The following MOB3B variants were observed in gnomAD, a reference collection of about 807,000 sequenced individuals.
MOB3B encodes MOB kinase activator 3B, also known as MOB kinase activator-like 2B.
Under a neutral mutation model 18.7 loss-of-function variants are expected in MOB3B, and 7 were observed. The observed-to-expected ratio is 0.37, with a 90% CI of 0.21 to 0.70. MOB3B has a LOEUF of 0.70. Ranked by LOEUF, MOB3B falls within the 30% of genes least tolerant of loss-of-function variation. MOB3B has a pLI of 0.52. For missense variants in MOB3B, 253 were observed against 281.3 expected, an observed-to-expected ratio of 0.90 and a Z score of 0.72; for synonymous variants, 111 against 99.9, an observed-to-expected ratio of 1.11 and a Z score of -0.66.
chr9:27,505,812 A>ATTC (rs1274434430), intron 1 of MOB3B, among the ~76,000 whole-genome samples: 8 of 152,214 alleles, frequency 5.3e-5, no homozygotes, highest in African/African-American at 1.9e-4. Context: ...GAAGTGACAC[A>ATTC]TTCTTCAGGT....
At chr9:27,355,582 C>T (rs1397035477) in intron 3 of MOB3B, among the ~76,000 whole-genome samples, 9 of 137,656 alleles carry the variant, frequency 6.5e-5, no homozygotes, top group East Asian at 2.1e-4. Flanking sequence ...TTTTTTGAGA[C>T]GGAGTCTCGC....
intron 1 of MOB3B, chr9:27,524,368 GT>G: frequency 6.2e-7 from 1 of 1,613,568 alleles, no homozygotes; most frequent in Non-Finnish European, 8.5e-7. Context: ...ATTCAAAAGT[GT>G]TTGTGGCTTG....
At chr9:27,526,049 C>T (rs700782) in intron 1 of MOB3B, 37,121 of 151,924 alleles carry the variant, frequency 0.24, 4,683 homozygotes, top group Admixed American at 0.3. Flanking sequence ...ATTGTGGCTA[C>T]GCAAATGCAC....
At position 27,359,101 on chromosome 9, in the gene MOB3B, C is replaced by A; in HGVS notation, c.554G>T (p.Cys185Phe). ...VMGAEAHVNT[C>F]YKHFYYFVTE... Reference sequence around the variant, plus strand: ...GACAAAGTAATAGAAGTGTTTGTAGCAGGTGTTGACATGGGCCTCTGCACC... The same window carrying A: ...GACAAAGTAATAGAAGTGTTTGTAGAAGGTGTTGACATGGGCCTCTGCACC... Residue 185 changes from cysteine (C) to phenylalanine (F), a missense_variant, in exon 3 of 4, where the codon TGC becomes TTC. Coordinates refer to ENST00000262244, the MANE Select transcript of MOB3B (RefSeq NM_024761.5). The A allele has an allele frequency of 6.2e-7, 1 of 1,614,114 alleles. No homozygotes were observed. Among genetic ancestry groups the A allele is most frequent in the Non-Finnish European group, 8.5e-7 (1 of 1,180,014 alleles).
At chr9:27,358,753 C>T in intron 3 of MOB3B, 1 of 621,196 alleles carries the variant, frequency 1.6e-6, no homozygotes, top group African/African-American at 1.8e-5. Flanking sequence ...GGAAGAATGA[C>T]TTTGGAATTG....
chr9:27,501,618 G>A (rs1403499267), intron 1 of MOB3B, among the ~76,000 whole-genome samples: 1 of 146,264 alleles, frequency 6.8e-6, no homozygotes, highest in East Asian at 2.2e-4. Context: ...GGGGTGGGGG[G>A]AAGGATAGCA....
At chr9:27,421,096 AT>A (rs141564631) in intron 2 of MOB3B, 149 of 146,278 alleles carry the variant, frequency 1.0e-3, no homozygotes, top group East Asian at 1.8e-3. Context: ...TCTCACCTCC[AT>A]TTTTTTTTTT....
chr9:27,498,280 T>C (rs1407827882), intron 1 of MOB3B, among the ~76,000 whole-genome samples: 1 of 152,202 alleles, frequency 6.6e-6, no homozygotes, highest in East Asian at 1.9e-4. Context: ...ACTTTTCATA[T>C]CAATCACAGC....
At chr9:27,354,509 A>C (rs1821156034) in intron 3 of MOB3B, among the ~76,000 whole-genome samples, 1 of 152,214 alleles carries the variant, frequency 6.6e-6, no homozygotes, top group African/African-American at 2.4e-5. Flanking sequence ...TTTTGCTTTT[A>C]ATGTCTATTG....
intron 2 of MOB3B, among the ~76,000 whole-genome samples, chr9:27,436,077 G>A (rs1307194298): frequency 6.6e-6 from 1 of 152,102 alleles, no homozygotes; most frequent in African/African-American, 2.4e-5. Flanking sequence ...CCGCTACCCA[G>A]ACCCCGTACC....
chr9:27,378,870 T>A (rs1821531531), intron 2 of MOB3B: 1 of 375,922 alleles, frequency 2.7e-6, no homozygotes, highest in Admixed American at 3.7e-5. Context: ...AAACCACTTA[T>A]CCAGGGCCAC....
At chr9:27,440,662 T>C (rs1822581017) in intron 2 of MOB3B, among the ~76,000 whole-genome samples, 3 of 152,200 alleles carry the variant, frequency 2.0e-5, no homozygotes. Context: ...GTCCCACCAG[T>C]TACGCATCTA....
chr9:27,433,800 C>T (rs1822452159), intron 2 of MOB3B, among the ~76,000 whole-genome samples: 1 of 152,168 alleles, frequency 6.6e-6, no homozygotes, highest in African/African-American at 2.4e-5. Context: ...ACCTGCTAAA[C>T]TACTGAATCA....
At chr9:27,408,047 G>T (rs923942225) in intron 2 of MOB3B, among the ~76,000 whole-genome samples, 5 of 152,118 alleles carry the variant, frequency 3.3e-5, no homozygotes, top group African/African-American at 4.8e-5. Context: ...CGATGCTTGG[G>T]ACATCAATGG....
chr9:27,476,607 T>C (rs1351172012), intron 1 of MOB3B, among the ~76,000 whole-genome samples: 1 of 152,218 alleles, frequency 6.6e-6, no homozygotes, highest in Non-Finnish European at 1.5e-5. Flanking sequence ...AGGTTAGGAA[T>C]TCTACATATG....
Position 27,455,517 on chromosome 9 carries a change from C to T in MOB3B, c.34G>A (p.Asp12Asn), listed in dbSNP as rs1037651757. ...TTCCTCTTGGGTCGGAAGGTCTTGT[C>T]CTTGTTGAATACCTGCTTCAGGGCT... ...SIALKQVFNK[D>N]KTFRPKRKFE... The change falls in exon 2 of 4, where the codon GAC (aspartate) becomes AAC (asparagine). Residue 12 changes from aspartate to asparagine, a missense_variant. Asp to Asn is a conservative substitution (Grantham distance 23). Transcript: ENST00000262244. 1.2e-6 allele frequency: 2 copies of T among 1,614,040 alleles called. No individual in the cohort carries two copies.
intron 2 of MOB3B, among the ~76,000 whole-genome samples, chr9:27,426,244 T>C (rs919804580): frequency 6.6e-6 from 1 of 152,234 alleles, no homozygotes; most frequent in East Asian, 1.9e-4. Context: ...TAACTTGGTA[T>C]AAATAAAGTC....
chr9:27,334,476 G>C (rs746159210), intron 3 of MOB3B, among the ~76,000 whole-genome samples: 1 of 152,160 alleles, frequency 6.6e-6, no homozygotes, highest in African/African-American at 2.4e-5. Flanking sequence ...GGTGGGGGTG[G>C]ATGAAATCAG....
intron 1 of MOB3B, among the ~76,000 whole-genome samples, chr9:27,457,681 C>T (rs1042880130): frequency 3.3e-5 from 5 of 149,296 alleles, no homozygotes; most frequent in South Asian, 2.1e-4. Context: ...ATGCCATATC[C>T]GCAAGGTGGG....
Sources: allele counts gnomAD v4.1 joint callset (sites outside exome capture counted in the v4.1 genomes callset), GRCh38; gene constraint gnomAD v4.1.1; transcripts MANE v1.5; gene names NCBI Gene and HGNC (gene_info 2026-07-23, HGNC 2026-07-21).